Variants in PIBF1 observed in about 807,000 individuals in gnomAD.
PIBF1 encodes the protein progesterone immunomodulatory binding factor 1, also known as progesterone-induced-blocking factor 1.
PIBF1 carries 90 observed loss-of-function variants against 112.5 expected under a neutral mutation model. The ratio of observed to expected loss-of-function variants is 0.80; its 90% CI spans 0.67 to 0.95. The LOEUF is 0.95. Ranked by LOEUF, PIBF1 falls within the 40% of genes least tolerant of loss-of-function variation. The pLI is 0.00. For synonymous variants in PIBF1, 301 were observed against 288.6 expected (o/e 1.04, Z -0.44); for missense variants, 915 against 852.3 (o/e 1.07, Z -0.92).
At chr13:72,885,960 A>G (rs1268222805) in intron 10 of PIBF1, among the ~76,000 whole-genome samples, 3 of 152,166 alleles carry the variant, frequency 2.0e-5, no homozygotes, top group Non-Finnish European at 4.4e-5. Flanking sequence ...ATTTCAGAAC[A>G]CTAATTTGGA....
At chr13:72,835,744 A>G (rs2037327113) in intron 9 of PIBF1, among the ~76,000 whole-genome samples, 1 of 152,206 alleles carries the variant, frequency 6.6e-6, no homozygotes, top group Admixed American at 6.5e-5. Context: ...GTAATTTCAA[A>G]TATACATATG....
At chr13:72,820,600 C>T (rs1348691836) in intron 5 of PIBF1, among the ~76,000 whole-genome samples, 1 of 152,118 alleles carries the variant, frequency 6.6e-6, no homozygotes, top group East Asian at 1.9e-4. Flanking sequence ...ATCAAAGTTA[C>T]ATTTAGTAGT....
intron 16 of PIBF1, among the ~76,000 whole-genome samples, chr13:72,991,171 G>A (rs995766169): frequency 6.6e-6 from 1 of 152,180 alleles, no homozygotes; most frequent in African/African-American, 2.4e-5. Context: ...CAGCTGAGCT[G>A]TTTTAATATG....
At chr13:73,000,186 C>G (rs2139031574) in intron 17 of PIBF1, among the ~76,000 whole-genome samples, 1 of 152,212 alleles carries the variant, frequency 6.6e-6, no homozygotes, top group East Asian at 1.9e-4. Context: ...ATCTTTTCCT[C>G]TGTAGTACAT....
At chr13:73,010,145 C>T (rs887082889) in intron 17 of PIBF1, among the ~76,000 whole-genome samples, 5 of 151,638 alleles carry the variant, frequency 3.3e-5, no homozygotes, top group African/African-American at 4.8e-5. Context: ...AAACAATTTA[C>T]GTTATGACCT....
chr13:72,991,755 G>T (rs2043488729), intron 16 of PIBF1, among the ~76,000 whole-genome samples: 1 of 148,858 alleles, frequency 6.7e-6, no homozygotes, highest in Non-Finnish European at 1.5e-5. Flanking sequence ...GTCTCGCTCT[G>T]TCGCCCAGGC....
chr13:72,949,782 C>G (rs1345115657), intron 14 of PIBF1, among the ~76,000 whole-genome samples: 1 of 151,818 alleles, frequency 6.6e-6, no homozygotes, highest in East Asian at 1.9e-4. Context: ...TGTTCTGTTT[C>G]TTTTTTTATT....
chr13:72,957,654 A>T (rs2042484948), intron 14 of PIBF1, among the ~76,000 whole-genome samples: 1 of 151,944 alleles, frequency 6.6e-6, no homozygotes, highest in Non-Finnish European at 1.5e-5. Flanking sequence ...TTCTCCAAAA[A>T]CTCTTGAAAT....
Position 72,860,719 on chromosome 13 carries a change from G to T in PIBF1, c.1322+6564G>T, listed in dbSNP as rs1458686531. On this transcript the variant is annotated intron_variant, in intron 10 of 17. Coordinates refer to ENST00000326291, the MANE Select transcript of PIBF1 (RefSeq NM_006346.4). The stretch of plus-strand genomic sequence containing the variant: ...ACATTTTTATGATTAAACAACCTGT[G>T]TTATAAAGAGAAATGTATGGAAACG... Among the ~76,000 whole-genome samples the T allele has an allele frequency of 1.3e-5, 2 of 152,070 alleles. 1 individual carries two copies. The highest frequency in any genetic ancestry group is 2.9e-5 in the Non-Finnish European group (2 of 68,008).
In PIBF1 at chr13:72,873,650, C is replaced by T. The variant is rs748247260; in HGVS notation, c.1322+19495C>T. Among the ~76,000 whole-genome samples the T allele has an allele frequency of 5.9e-5, 9 of 152,196 alleles. No individual in the cohort carries two copies. The East Asian group carries it at 9.7e-4, about 16-fold the overall frequency. On this transcript the variant is annotated intron_variant, in intron 10 of 17. Coordinates refer to ENST00000326291, the MANE Select transcript of PIBF1 (RefSeq NM_006346.4). ...TCAGGCACTCCACCCACCTTAGCCTCCCAAAGTGCTGGGATTACAGGCATG... is the reference window on the plus strand; with the variant it reads ...TCAGGCACTCCACCCACCTTAGCCTTCCAAAGTGCTGGGATTACAGGCATG...
chr13:72,834,030 T>A (rs1209722202), intron 8 of PIBF1, among the ~76,000 whole-genome samples: 1 of 152,242 alleles, frequency 6.6e-6, no homozygotes, highest in Non-Finnish European at 1.5e-5. Context: ...TTTTTTCATT[T>A]GTGGCATAAT....
chr13:72,834,860 A>G (rs2037285620), intron 8 of PIBF1, among the ~76,000 whole-genome samples: 1 of 152,130 alleles, frequency 6.6e-6, no homozygotes, highest in East Asian at 1.9e-4. Flanking sequence ...TTTTGTTAAT[A>G]TTATTCATCT....
chr13:72,886,203 A>C lies in PIBF1; in HGVS notation c.1323-7581A>C, dbSNP rs146211011. On this transcript the variant is annotated intron_variant, in intron 10 of 17. Coordinates refer to ENST00000326291, the MANE Select transcript of PIBF1 (RefSeq NM_006346.4). ...CATCCCCCTAAAAGTGCTTTTTCTA[A>C]TGACTTTTTAAGATTCAGTTTATAT... 2.0e-3 allele frequency among the ~76,000 whole-genome samples: 306 copies of C among 152,142 alleles called. 1 individual carries two copies. The highest frequency in any genetic ancestry group is 7.0e-3 in the African/African-American group (290 of 41,526).
chr13:72,953,472 C>T (rs9530119), intron 14 of PIBF1, among the ~76,000 whole-genome samples: 20,380 of 152,110 alleles, frequency 0.13, 1,576 homozygotes, highest in Non-Finnish European at 0.17. Flanking sequence ...GGAGAATATC[C>T]GCCAAGGATC....
intron 5 of PIBF1, among the ~76,000 whole-genome samples, chr13:72,802,854 A>G (rs148042279): frequency 2.0e-5 from 3 of 152,182 alleles, no homozygotes; most frequent in African/African-American, 7.2e-5. Flanking sequence ...GCTCCAGGGC[A>G]CTTCAACATT....
In PIBF1 at chr13:72,792,555, A is replaced by G. The variant is rs768161055; in HGVS notation, c.353+8A>G. 7.0e-7 allele frequency: 1 copy of G among 1,419,454 alleles called. No homozygotes were observed. The highest frequency in any genetic ancestry group is 9.6e-7 in the Non-Finnish European group (1 of 1,042,288). The allele number at this position is 1,419,454 out of a possible 1,614,324, so 87.9% of individuals were successfully genotyped here. On this transcript the variant is annotated splice_region_variant and intron_variant, in intron 3 of 17. Transcript: ENST00000326291. ...TCAACAGAAAGATGCCAGGTAAGAA[A>G]AGTTTTTTTTAAAAAAAAAACAACA...
At chr13:72,818,678 C>CTTTT (rs3077726) in intron 5 of PIBF1, among the ~76,000 whole-genome samples, 20,170 of 80,344 alleles carry the variant, frequency 0.25, 4,440 homozygotes, top group African/African-American at 0.4. Flanking sequence ...CAGTCTTAAA[C>CTTTT]TTTTTTTTTT....
chr13:72,855,508 G>A (rs143415859), intron 10 of PIBF1, among the ~76,000 whole-genome samples: 22 of 152,160 alleles, frequency 1.4e-4, no homozygotes, highest in African/African-American at 4.3e-4. Flanking sequence ...AATTAGTAGT[G>A]TGTGGTGATG....
In PIBF1 at chr13:72,795,657, ATTATTTT is replaced by A. The variant is rs112300757; in HGVS notation, c.552+101_552+107del. ...TACTTTTGAAGTACCCAATTGATAC[ATTATTTT>A]ATGGCTATGGATGGTGAATGGTGTT... On this transcript the variant is annotated intron_variant, in intron 4 of 17. Transcript: ENST00000326291. 1.7e-4 allele frequency: 123 copies of A among 723,752 alleles called. 1 individual carries two copies. In the African/African-American group the frequency reaches 1.8e-3, roughly 11 times the overall value. The allele number at this position is 723,752 out of a possible 1,614,324, so 44.8% of individuals were successfully genotyped here.
Sources: allele counts gnomAD v4.1 joint callset (sites outside exome capture counted in the v4.1 genomes callset), GRCh38; gene constraint gnomAD v4.1.1; transcripts MANE v1.5; gene names NCBI Gene and HGNC (gene_info 2026-07-23, HGNC 2026-07-21).